BICRA: variants seen among roughly 807,000 people sequenced by gnomAD.
The protein encoded by BICRA is BRD4-interacting chromatin-remodeling complex-associated protein.
Under a neutral mutation model 96.9 loss-of-function variants are expected in BICRA, and 31 were observed. That is an observed-to-expected ratio of 0.32 (90% CI 0.24 to 0.43). The LOEUF (loss-of-function observed/expected upper bound fraction) is 0.43, where lower values mean the gene tolerates loss of function less well. Among genes scored for constraint, BICRA ranks in the 20% least tolerant of loss-of-function variants. The pLI is 1.00. For missense variants in BICRA, 2,283 were observed against 2,190.3 expected (o/e 1.04, Z -0.84); for synonymous variants, 1,350 against 1,071.8 (o/e 1.26, Z -5.07).
chr19:47,644,731 C>A (rs965069614), intron 1 of BICRA, among the ~76,000 whole-genome samples: 1 of 152,088 alleles, frequency 6.6e-6, no homozygotes, highest in Non-Finnish European at 1.5e-5. Flanking sequence ...AAACTCCTGG[C>A]CTCAAGTGAT....
intron 2 of BICRA, 97 bp from the exon 3 acceptor site, chr19:47,673,473 C>A: frequency 1.1e-6 from 1 of 914,492 alleles, no homozygotes; most frequent in Non-Finnish European, 1.8e-6. Context: ...GAAACTCTGA[C>A]CCCCTCCAGG....
rs1310999953 is a variant in BICRA at position 47,679,432 on chromosome 19, G to C, written c.262G>C (p.Gly88Arg). 1 of 1,490,810 alleles carries C rather than the reference G, an allele frequency of 6.7e-7. No homozygotes were observed. Among genetic ancestry groups the C allele is most frequent in the Non-Finnish European group, 8.9e-7 (1 of 1,118,516 alleles). 92.3% of individuals were successfully genotyped at this position (1,490,810 alleles called of 1,614,324 possible). Residue 88 changes from glycine to arginine, a missense_variant, in exon 6 of 15, where the codon GGG becomes CGG. Physicochemically the swap from Gly to Arg is moderately radical, Grantham distance 125. Transcript: ENST00000594866. ...TGACATCCTGGGCTCTCCTGCGACA[G>C]GGGGCGGCGGCGGGGGCAGTGGGGG... is the stretch of plus-strand genomic sequence containing the variant. ...EDDILGSPAT[G>R]GGGGGSGGAD...
chr19:47,628,278 G>T (rs558717029), intron 1 of BICRA, among the ~76,000 whole-genome samples: 9 of 152,308 alleles, frequency 5.9e-5, no homozygotes, highest in African/African-American at 2.2e-4. Context: ...GTTCCTGGGG[G>T]ATCCTGTTAC....
At chr19:47,617,429 T>C (rs1972001773) in intron 1 of BICRA, among the ~76,000 whole-genome samples, 3 of 152,098 alleles carry the variant, frequency 2.0e-5, no homozygotes, top group Admixed American at 1.3e-4. Context: ...AGTGGCGCCA[T>C]ATCGGCTCAC....
Position 47,699,436 on chromosome 19 carries a change from G to T in BICRA, c.3595+31G>T. 1.6e-6 allele frequency: 2 copies of T among 1,254,664 alleles called. No homozygotes were observed. Among genetic ancestry groups the T allele is most frequent in the Non-Finnish European group, 2.3e-6 (2 of 876,150 alleles). 77.7% of individuals were successfully genotyped at this position (1,254,664 alleles called of 1,614,324 possible). On this transcript the variant is annotated intron_variant, in intron 14 of 14. Transcript: ENST00000594866. This position sits in a 1 kb window ranked among gnomAD's most constrained non-coding sequence, Gnocchi z 5.0. ...AGGGGGGAGTGAGAGGGGAGGGGAG[G>T]GAGAGGTGCCCCCACCCCACCTGGG...
At chr19:47,672,577 G>GTGGA (rs57088975) in intron 2 of BICRA, among the ~76,000 whole-genome samples, 10,932 of 150,134 alleles carry the variant, frequency 0.073, 1,148 homozygotes, top group African/African-American at 0.24. Context: ...AGATAAAGAA[G>GTGGA]TGGATGGATG....
At position 47,680,966 on chromosome 19, in the gene BICRA, C is replaced by T. The variant is rs934191154; in HGVS notation, c.1796C>T (p.Pro599Leu). The change falls in exon 6 of 15, where the codon CCC becomes CTC. Residue 599 changes from proline to leucine, a missense_variant. Pro to Leu is a moderately conservative substitution (Grantham distance 98, BLOSUM62 -3). Transcript: ENST00000594866. The part of the protein sequence containing the change: ...PPSAVAMLNT[P>L]DGLVQPATPA... The stretch of plus-strand genomic sequence containing the variant: ...AGCGCCGTGGCCATGCTCAACACCC[C>T]CGACGGCCTGGTGCAGCCGGCCACC... The T allele has an allele frequency of 2.3e-5, 34 of 1,477,002 alleles. No individual in the cohort carries two copies. The highest frequency in any genetic ancestry group is 2.6e-5 in the Non-Finnish European group (29 of 1,123,552). 91.5% of individuals were successfully genotyped at this position (1,477,002 alleles called of 1,614,324 possible). A position where few individuals can be genotyped will look rare whatever the true frequency, so the allele number is the denominator to read the frequency against.
chr19:47,692,209 C>T (rs1973251837), intron 7 of BICRA, among the ~76,000 whole-genome samples: 1 of 152,030 alleles, frequency 6.6e-6, no homozygotes, highest in Non-Finnish European at 1.5e-5. Flanking sequence ...AGTGGGCAAC[C>T]CCATAGCAAG....
chr19:47,637,450 T>C (rs1051825473), intron 1 of BICRA, among the ~76,000 whole-genome samples: 10 of 152,198 alleles, frequency 6.6e-5, no homozygotes, highest in Non-Finnish European at 8.8e-5. Context: ...AGTCTTGCTC[T>C]GTTGCTCAGG....
At chr19:47,676,263 A>T (rs1237699484) in intron 5 of BICRA, among the ~76,000 whole-genome samples, 1 of 151,918 alleles carries the variant, frequency 6.6e-6, no homozygotes, top group East Asian at 1.9e-4. Flanking sequence ...GCACTCCTGG[A>T]GAGCAGAGGG....
At chr19:47,692,541 A>G (rs1326499694) in intron 7 of BICRA, among the ~76,000 whole-genome samples, 1 of 152,104 alleles carries the variant, frequency 6.6e-6, no homozygotes, top group African/African-American at 2.4e-5. Context: ...AATATTCTTC[A>G]TCACAGATTC....
intron 1 of BICRA, among the ~76,000 whole-genome samples, chr19:47,622,543 T>C (rs1161932766): frequency 6.8e-6 from 1 of 147,574 alleles, no homozygotes; most frequent in Non-Finnish European, 1.5e-5. Flanking sequence ...GCTAATGCGG[T>C]GAAACCCTGT....
chr19:47,660,497 C>CT (rs1379607609), intron 1 of BICRA, among the ~76,000 whole-genome samples: 2 of 152,156 alleles, frequency 1.3e-5, no homozygotes, highest in Non-Finnish European at 2.9e-5. Context: ...ATTCAACTCA[C>CT]TACAAAGGCC....
chr19:47,678,712 G>A (rs1026838335), intron 5 of BICRA, among the ~76,000 whole-genome samples: 1 of 150,212 alleles, frequency 6.7e-6, no homozygotes, highest in African/African-American at 2.5e-5. Context: ...TTACAGGCGT[G>A]AGTCACTGTG....
At chr19:47,671,034 G>A (rs1200366813) in intron 2 of BICRA, among the ~76,000 whole-genome samples, 1 of 152,214 alleles carries the variant, frequency 6.6e-6, no homozygotes, top group African/African-American at 2.4e-5. Flanking sequence ...GGAGATGCAT[G>A]TGTCTCTGTG....
intron 7 of BICRA, among the ~76,000 whole-genome samples, chr19:47,693,460 G>C (rs1371219263): frequency 6.6e-6 from 1 of 152,224 alleles, no homozygotes; most frequent in East Asian, 1.9e-4. Flanking sequence ...AGGACACTTA[G>C]AAGGGGGTCC....
Position 47,699,514 on chromosome 19 carries a change from A to G in BICRA, c.3595+109A>G, listed in dbSNP as rs1357927831. 4 of 674,200 alleles carry G rather than the reference A, an allele frequency of 5.9e-6. No individual in the cohort carries two copies. The East Asian group carries it at 1.1e-4, about 18-fold the overall frequency. 41.8% of individuals were successfully genotyped at this position (674,200 alleles called of 1,614,324 possible). A position where few individuals can be genotyped will look rare whatever the true frequency, so the allele number is the denominator to read the frequency against. ...TGGGTGTGTGGCCCTACCTCACTCC[A>G]CCACTAGGCGGTGCCCCAGCTCCAC... On this transcript the variant is annotated intron_variant, in intron 14 of 14. Coordinates refer to ENST00000594866, the MANE Select transcript of BICRA (RefSeq NM_001394372.1). This position sits in a 1 kb window ranked among gnomAD's most constrained non-coding sequence, Gnocchi z 5.0.
At chr19:47,678,691 A>G (rs1972977568) in intron 5 of BICRA, among the ~76,000 whole-genome samples, 1 of 151,982 alleles carries the variant, frequency 6.6e-6, no homozygotes, top group Admixed American at 6.6e-5. Flanking sequence ...CAGGCTCCCA[A>G]AGTGCTAAGA....
In BICRA at chr19:47,701,822, G is replaced by A. The variant is rs1483004253; in HGVS notation, c.4090G>A (p.Asp1364Asn). The A allele has an allele frequency of 6.5e-7, 1 of 1,530,938 alleles. No homozygotes were observed. The highest frequency in any genetic ancestry group is 2.5e-5 in the East Asian group (1 of 40,154). The allele number at this position is 1,530,938 out of a possible 1,614,324, so 94.8% of individuals were successfully genotyped here. Residue 1364 changes from aspartate to asparagine, a missense_variant, in exon 15 of 15, where the codon GAC (aspartate) becomes AAC (asparagine). By Grantham distance (23) the Asp-to-Asn change is conservative (BLOSUM62 1). Transcript: ENST00000594866. This position sits in a 1 kb window ranked among gnomAD's most constrained non-coding sequence, Gnocchi z 5.4. ...CACGGGCCAGATGAACGGCACGGTG[G>A]ACCACCCGCCGCCTGCCGCCCCCGA... Reference protein sequence around the residue: ...PPTGQMNGTVDHPPPAAPERK... With the variant: ...PPTGQMNGTVNHPPPAAPERK...
Sources: allele counts gnomAD v4.1 joint callset (sites outside exome capture counted in the v4.1 genomes callset), GRCh38; gene constraint gnomAD v4.1.1; non-coding constraint Gnocchi (gnomAD v3.1); transcripts MANE v1.5; gene names NCBI Gene and HGNC (gene_info 2026-07-23, HGNC 2026-07-21).